SDK1: variants seen among roughly 807,000 people sequenced by gnomAD.
SDK1 encodes sidekick cell adhesion molecule 1.
SDK1 carries 157 observed loss-of-function variants against 245.5 expected under a neutral mutation model. The observed-to-expected ratio is 0.64, with a 90% CI of 0.56 to 0.73. SDK1 has a LOEUF of 0.73. Among genes scored for constraint, SDK1 ranks in the 30% least tolerant of loss-of-function variants. The pLI, the probability that SDK1 is intolerant of heterozygous loss-of-function variation, is 0.00. For missense variants in SDK1, 3,583 were observed against 3,002.3 expected (o/e 1.19, Z -4.52); for synonymous variants, 1,647 against 1,278.5 (o/e 1.29, Z -6.15).
intron 4 of SDK1, among the ~76,000 whole-genome samples, chr7:3,699,959 AC>A (rs1454686508): frequency 2.0e-5 from 3 of 151,184 alleles, no homozygotes; most frequent in Admixed American, 6.6e-5. Flanking sequence ...GCCAGAGAAA[AC>A]AGTACCTGAC....
intron 1 of SDK1, among the ~76,000 whole-genome samples, chr7:3,380,334 A>G (rs1273004325): frequency 6.6e-6 from 1 of 152,222 alleles, no homozygotes; most frequent in East Asian, 1.9e-4. Flanking sequence ...AGTATCTCAT[A>G]ATGTAATTGT....
At chr7:4,251,652 T>A (rs1787305135) in intron 44 of SDK1, among the ~76,000 whole-genome samples, 2 of 152,328 alleles carry the variant, frequency 1.3e-5, no homozygotes, top group Admixed American at 1.3e-4. Flanking sequence ...TAAACCATAT[T>A]ATTTGTACAG....
chr7:3,766,517 A>G (rs931579205), intron 4 of SDK1, among the ~76,000 whole-genome samples: 1 of 152,184 alleles, frequency 6.6e-6, no homozygotes, highest in African/African-American at 2.4e-5. Context: ...AATACTACTA[A>G]GTGTACCTGG....
intron 1 of SDK1, among the ~76,000 whole-genome samples, chr7:3,393,406 T>C (rs929056174): frequency 7.9e-5 from 12 of 152,190 alleles, no homozygotes; most frequent in African/African-American, 2.7e-4. Flanking sequence ...TTAACAGAAA[T>C]GTTTGAGAGT....
In SDK1 at chr7:4,205,947, G is replaced by C. The variant is rs147671152; in HGVS notation, c.5167G>C (p.Asp1723His). The C allele has an allele frequency of 1.9e-6, 3 of 1,564,270 alleles. No individual in the cohort carries two copies. Among genetic ancestry groups the C allele is most frequent in the Non-Finnish European group, 1.7e-6 (2 of 1,153,860 alleles). ...GGCCAGCCAGCTGGAGGTCACGTGGGACCCACCACCCCCGGAGAGCCAGAA... is the reference window on the plus strand; with the variant it reads ...GGCCAGCCAGCTGGAGGTCACGTGGCACCCACCACCCCCGGAGAGCCAGAA... ...LTASQLEVTW[D>H]PPPPESQNGN... Residue 1723 changes from aspartate (D) to histidine (H), a missense_variant, in exon 36 of 45, where the codon GAC becomes CAC. Asp to His is a moderately conservative substitution (Grantham distance 81). Coordinates refer to ENST00000404826, the MANE Select transcript of SDK1 (RefSeq NM_152744.4).
chr7:3,667,755 T>A (rs1211254946), intron 4 of SDK1, among the ~76,000 whole-genome samples: 1 of 152,260 alleles, frequency 6.6e-6, no homozygotes, highest in African/African-American at 2.4e-5. Flanking sequence ...GGTACTCATC[T>A]CTTTGTTGCA....
At chr7:4,177,812 C>T (rs749257386) in intron 34 of SDK1, among the ~76,000 whole-genome samples, 18 of 152,156 alleles carry the variant, frequency 1.2e-4, no homozygotes, top group Non-Finnish European at 1.5e-4. Context: ...CTCACCATCA[C>T]GTAGAATCAG....
intron 4 of SDK1, among the ~76,000 whole-genome samples, chr7:3,779,633 A>G (rs997608066): frequency 7.9e-5 from 12 of 152,202 alleles, no homozygotes; most frequent in African/African-American, 2.7e-4. Context: ...TCAAAAAATA[A>G]TAAAGTTAAG....
At chr7:3,396,284 T>A (rs527350158) in intron 1 of SDK1, among the ~76,000 whole-genome samples, 1 of 152,008 alleles carries the variant, frequency 6.6e-6, no homozygotes, top group East Asian at 1.9e-4. Flanking sequence ...TCCTTTTAAA[T>A]CTGCTAATGC....
At chr7:4,170,319 G>T (rs1003647519) in intron 32 of SDK1, among the ~76,000 whole-genome samples, 1 of 152,026 alleles carries the variant, frequency 6.6e-6, no homozygotes, top group Non-Finnish European at 1.5e-5. Context: ...TGGTGGTGCA[G>T]GTCTGTAGTC....
intron 17 of SDK1, among the ~76,000 whole-genome samples, chr7:4,036,104 A>G (rs1788194346): frequency 6.6e-6 from 1 of 152,190 alleles, no homozygotes; most frequent in Non-Finnish European, 1.5e-5. Context: ...TTTAATGATA[A>G]CCTCTTCAAA....
intron 4 of SDK1, among the ~76,000 whole-genome samples, chr7:3,675,806 G>A (rs1209616854): frequency 6.6e-6 from 1 of 152,042 alleles, no homozygotes; most frequent in African/African-American, 2.4e-5. Flanking sequence ...TGGAATTACA[G>A]GTATGCCATG....
chr7:3,768,355 A>G (rs1780313385), intron 4 of SDK1, among the ~76,000 whole-genome samples: 1 of 152,248 alleles, frequency 6.6e-6, no homozygotes, highest in Admixed American at 6.5e-5. Flanking sequence ...TCATGGATAA[A>G]TACAGCCGAT....
At chr7:4,158,858 G>A (rs931552309) in intron 31 of SDK1, among the ~76,000 whole-genome samples, 1 of 152,192 alleles carries the variant, frequency 6.6e-6, no homozygotes, top group Non-Finnish European at 1.5e-5. Context: ...GGGTAGCTGG[G>A]TTTTAAGAGA....
chr7:3,366,948 G>T (rs901503565), intron 1 of SDK1, among the ~76,000 whole-genome samples: 1 of 151,888 alleles, frequency 6.6e-6, no homozygotes, highest in African/African-American at 2.4e-5. Flanking sequence ...TACCATGTTG[G>T]CCAGGATGGT....
chr7:4,137,893 C>T (rs1779200795), intron 28 of SDK1, among the ~76,000 whole-genome samples: 1 of 152,184 alleles, frequency 6.6e-6, no homozygotes, highest in Non-Finnish European at 1.5e-5. Flanking sequence ...AATGCAAGGA[C>T]TGCTACTCAG....
At chr7:4,145,010 G>T (rs1001144791) in intron 28 of SDK1, among the ~76,000 whole-genome samples, 1 of 152,212 alleles carries the variant, frequency 6.6e-6, no homozygotes, top group Admixed American at 6.5e-5. Context: ...GAGGCCTGGG[G>T]CGGCCAGTGG....
At chr7:3,720,617 A>G (rs1186332099) in intron 4 of SDK1, among the ~76,000 whole-genome samples, 1 of 152,220 alleles carries the variant, frequency 6.6e-6, no homozygotes, top group Non-Finnish European at 1.5e-5. Flanking sequence ...TGGATCACTC[A>G]TATATTGTTA....
intron 5 of SDK1, among the ~76,000 whole-genome samples, chr7:3,835,507 T>G (rs1052352031): frequency 4.8e-4 from 73 of 152,166 alleles, no homozygotes; most frequent in African/African-American, 1.7e-3. Context: ...CTCCGTATAC[T>G]TTCTATCCCA....
Sources: allele counts gnomAD v4.1 joint callset (sites outside exome capture counted in the v4.1 genomes callset), GRCh38; gene constraint gnomAD v4.1.1; transcripts MANE v1.5; gene names NCBI Gene and HGNC (gene_info 2026-07-23, HGNC 2026-07-21).